Variants in AUTS2 observed in about 807,000 individuals in gnomAD.
AUTS2 encodes the protein autism susceptibility gene 2 protein.
In AUTS2, 17 loss-of-function variants were observed where a neutral mutation model predicts 112.4. The ratio of observed to expected loss-of-function variants is 0.15; its 90% CI spans 0.10 to 0.23. AUTS2 has a LOEUF of 0.23. Ranked by LOEUF, AUTS2 falls within the 10% of genes least tolerant of loss-of-function variation. AUTS2 has a pLI of 1.00. For missense variants in AUTS2, 1,510 were observed against 1,701.6 expected, an observed-to-expected ratio of 0.89 and a Z score of 1.98; for synonymous variants, 751 against 702.7, an observed-to-expected ratio of 1.07 and a Z score of -1.09.
chr7:69,737,133 G>A (rs1200293235), intron 1 of AUTS2, among the ~76,000 whole-genome samples: 4 of 152,086 alleles, frequency 2.6e-5, no homozygotes, highest in Non-Finnish European at 2.9e-5. Context: ...TTCCATGGGA[G>A]TCAACTTTAC....
chr7:69,905,929 T>C (rs1052402344), intron 2 of AUTS2, among the ~76,000 whole-genome samples: 5 of 152,234 alleles, frequency 3.3e-5, no homozygotes, highest in Admixed American at 2.6e-4. Flanking sequence ...AGTTGTTCCA[T>C]AAAACAGTGA....
intron 2 of AUTS2, among the ~76,000 whole-genome samples, chr7:70,060,893 G>A (rs1329826190): frequency 2.0e-5 from 3 of 152,204 alleles, no homozygotes; most frequent in African/African-American, 7.2e-5. Context: ...CCTGCATCCA[G>A]GTGGAGCCTG....
At chr7:70,690,179 A>G (rs6978392) in intron 5 of AUTS2, among the ~76,000 whole-genome samples, 103,678 of 152,086 alleles carry the variant, frequency 0.68, 35,413 homozygotes, top group East Asian at 0.76. Flanking sequence ...GCAGAGCCAC[A>G]ATTATTAACC....
intron 5 of AUTS2, among the ~76,000 whole-genome samples, chr7:70,636,988 T>A (rs1356226330): frequency 6.6e-6 from 1 of 152,206 alleles, no homozygotes; most frequent in Admixed American, 6.5e-5. Context: ...AAGATGGCAT[T>A]GTTATGTTTA....
intron 1 of AUTS2, among the ~76,000 whole-genome samples, chr7:69,615,988 G>A (rs1793350619): frequency 6.6e-6 from 1 of 152,222 alleles, no homozygotes; most frequent in African/African-American, 2.4e-5. Flanking sequence ...GTTCAGCACT[G>A]CTAGACTGGA....
chr7:70,319,067 T>C (rs532956509), intron 4 of AUTS2, among the ~76,000 whole-genome samples: 78 of 152,334 alleles, frequency 5.1e-4, no homozygotes, highest in Non-Finnish European at 2.1e-4. Flanking sequence ...CCAGTTCATT[T>C]AAGTTTTACA....
chr7:70,231,922 TG>T (rs1157248222), intron 4 of AUTS2, among the ~76,000 whole-genome samples: 3 of 151,794 alleles, frequency 2.0e-5, no homozygotes, highest in Non-Finnish European at 4.4e-5. Context: ...TACAAGCATG[TG>T]CCACCATGCC....
chr7:70,772,794 T>A (rs1480425982), intron 11 of AUTS2, among the ~76,000 whole-genome samples: 1 of 152,200 alleles, frequency 6.6e-6, no homozygotes, highest in Non-Finnish European at 1.5e-5. Context: ...GTTAAACACC[T>A]CCTGTCTGGA....
At chr7:70,626,818 A>G (rs1217071678) in intron 5 of AUTS2, among the ~76,000 whole-genome samples, 1 of 152,032 alleles carries the variant, frequency 6.6e-6, no homozygotes, top group African/African-American at 2.4e-5. Context: ...CTCCAGCTGC[A>G]CTCGTGTTGC....
intron 1 of AUTS2, among the ~76,000 whole-genome samples, chr7:69,755,249 C>G (rs1258316392): frequency 6.6e-6 from 1 of 152,168 alleles, no homozygotes; most frequent in African/African-American, 2.4e-5. Flanking sequence ...GGGAAACTAT[C>G]ATGGAAATGG....
intron 1 of AUTS2, among the ~76,000 whole-genome samples, chr7:69,650,946 C>T (rs1181559746): frequency 5.3e-5 from 8 of 152,180 alleles, no homozygotes; most frequent in Admixed American, 3.3e-4. Flanking sequence ...TTTGAGGGCC[C>T]GGATCTGCTC....
intron 2 of AUTS2, among the ~76,000 whole-genome samples, chr7:69,969,706 A>G (rs1797771538): frequency 6.6e-6 from 1 of 152,196 alleles, no homozygotes; most frequent in African/African-American, 2.4e-5. Flanking sequence ...AGCCATTCTT[A>G]CAAAGGCTTT....
intron 2 of AUTS2, among the ~76,000 whole-genome samples, chr7:70,080,077 A>G (rs1454865891): frequency 6.6e-6 from 1 of 152,172 alleles, no homozygotes; most frequent in Non-Finnish European, 1.5e-5. Flanking sequence ...TAAGTTTGCA[A>G]CACATGCTTT....
At chr7:70,783,932 C>T (rs1487131108) in intron 15 of AUTS2, 2 of 152,254 alleles carry the variant, frequency 1.3e-5, no homozygotes, top group African/African-American at 4.8e-5. Context: ...CTCTCTTTCT[C>T]TGTCTCCTTC....
intron 4 of AUTS2, among the ~76,000 whole-genome samples, chr7:70,163,543 A>C (rs1193695561): frequency 1.3e-5 from 2 of 152,172 alleles, no homozygotes; most frequent in Non-Finnish European, 2.9e-5. Flanking sequence ...TCTAGTCCTA[A>C]CAAAGATTAG....
At position 70,791,632 on chromosome 7, in the gene AUTS2, C is replaced by G. The variant is rs76155853; in HGVS notation, c.*636C>G. 6.6e-6 allele frequency: 1 copy of G among 152,602 alleles called. No individual in the cohort carries two copies. Among genetic ancestry groups the G allele is most frequent in the Non-Finnish European group, 1.5e-5 (1 of 68,036 alleles). The allele number at this position is 152,602 out of a possible 1,614,324, so 9.5% of individuals were successfully genotyped here. A position where few individuals can be genotyped will look rare whatever the true frequency, so the allele number is the denominator to read the frequency against. On this transcript the variant is annotated 3_prime_UTR_variant, in exon 19 of 19. Transcript: ENST00000342771. ...AATGTTCGGGCTTTTCACAAAAGCC[C>G]GCCTAACTCAAAGGAGCCTTTTCAA...
chr7:70,620,998 A>G (rs1804642522), intron 5 of AUTS2, among the ~76,000 whole-genome samples: 1 of 152,154 alleles, frequency 6.6e-6, no homozygotes. Flanking sequence ...CTGAGCTCAG[A>G]GCGGGGAGGA....
intron 2 of AUTS2, among the ~76,000 whole-genome samples, chr7:69,968,090 G>A (rs549078715): frequency 6.6e-5 from 10 of 152,270 alleles, no homozygotes; most frequent in African/African-American, 2.4e-4. Context: ...GGAAAGGCAG[G>A]ATATTCTGCT....
In AUTS2 at chr7:70,246,310, G is replaced by A. The variant is rs540219560; in HGVS notation, c.660+111739G>A. On this transcript the variant is annotated intron_variant, in intron 4 of 18. Transcript: ENST00000342771. ...TTCTTACATGTTGTTTTCTAAAAGT[G>A]TTCTAGTTTTATCTTTTACACTTAA... Among the ~76,000 whole-genome samples the A allele has an allele frequency of 5.3e-5, 8 of 152,080 alleles. 1 individual carries two copies. The South Asian group carries it at 1.5e-3, about 28-fold the overall frequency.
Sources: allele counts gnomAD v4.1 joint callset (sites outside exome capture counted in the v4.1 genomes callset), GRCh38; gene constraint gnomAD v4.1.1; transcripts MANE v1.5; gene names NCBI Gene and HGNC (gene_info 2026-07-23, HGNC 2026-07-21).